Variants in PHTF2 observed in about 807,000 individuals in gnomAD.
PHTF2 encodes protein PHTF2.
PHTF2 carries 60 observed loss-of-function variants against 101.2 expected under a neutral mutation model. The observed-to-expected ratio is 0.59, with a 90% confidence interval of 0.48 to 0.73. PHTF2 has a LOEUF of 0.73. Ranked by LOEUF, PHTF2 falls within the 30% of genes least tolerant of loss-of-function variation. PHTF2 has a pLI of 0.00. For missense variants in PHTF2, 747 were observed against 908.7 expected (o/e 0.82, Z 2.29); for synonymous variants, 311 against 307.3 (o/e 1.01, Z -0.13).
At position 77,844,775 on chromosome 7, in the gene PHTF2, G is replaced by A. The variant is rs372024998; in HGVS notation, c.45+4475G>A. ...CTTGACCTCATGCGATTTGCCCACC[G>A]TAGCCTCCTAAAGTGCTGGGATTAC... On this transcript the variant is annotated intron_variant, in intron 2 of 19. Coordinates refer to ENST00000416283, the Ensembl canonical transcript of PHTF2. Among the ~76,000 whole-genome samples the A allele has an allele frequency of 8.4e-4, 128 of 152,120 alleles. 3 individuals carry two copies. The South Asian group carries it at 0.018, about 21-fold the overall frequency.
chr7:77,876,649 T>A (rs996208430), intron 3 of PHTF2, among the ~76,000 whole-genome samples: 7 of 152,090 alleles, frequency 4.6e-5, no homozygotes, highest in Non-Finnish European at 7.4e-5. Context: ...TCGCAGCACT[T>A]TGGGAGGGCA....
At chr7:77,814,578 C>T (rs576996955) in intron 1 of PHTF2, among the ~76,000 whole-genome samples, 3 of 149,986 alleles carry the variant, frequency 2.0e-5, no homozygotes, top group East Asian at 4.0e-4. Context: ...GTGGCGCAAT[C>T]TCAGCTCATT....
intron 9 of PHTF2, 34 bp from the exon 9 acceptor site, chr7:77,920,245 G>A: frequency 8.3e-7 from 1 of 1,204,220 alleles, no homozygotes; most frequent in Non-Finnish European, 1.2e-6. Context: ...AATAAGCTAA[G>A]TCCAAACATT....
intron 3 of PHTF2, among the ~76,000 whole-genome samples, chr7:77,880,789 C>G (rs1313098114): frequency 6.6e-6 from 1 of 152,120 alleles, no homozygotes; most frequent in Admixed American, 6.6e-5. Context: ...AGAAAGGAAA[C>G]TATAAAGATT....
chr7:77,809,442 G>A (rs545319638), intron 1 of PHTF2, among the ~76,000 whole-genome samples: 32 of 151,948 alleles, frequency 2.1e-4, no homozygotes, highest in African/African-American at 5.6e-4. Context: ...GACCAGGCTC[G>A]TCACGAATTC....
chr7:77,940,240 C>G, exon 14 of PHTF2: 1 of 1,613,630 alleles, frequency 6.2e-7, no homozygotes, highest in Non-Finnish European at 8.5e-7. Context: ...TTTTGTGGTT[C>G]GCGTGTCTCT....
intron 12 of PHTF2, among the ~76,000 whole-genome samples, chr7:77,937,080 G>GAAAA (rs71082797): frequency 6.9e-6 from 1 of 144,240 alleles, no homozygotes; most frequent in East Asian, 2.0e-4. Context: ...GCTTTATCTG[G>GAAAA]AAAAAAAAAA....
Position 77,924,773 on chromosome 7 carries a change from G to A in PHTF2, c.1119+1995G>A, listed in dbSNP as rs898725201. Among the ~76,000 whole-genome samples, 10 of 152,270 alleles carry A rather than the reference G, an allele frequency of 6.6e-5. No individual in the cohort carries two copies. In the East Asian group the frequency reaches 1.9e-3, roughly 29 times the overall value. On this transcript the variant is annotated intron_variant, in intron 11 of 19. Coordinates refer to ENST00000416283, the Ensembl canonical transcript of PHTF2. Reference sequence around the variant, plus strand: ...GGGAAGACTTATCCAGTCTTCTGGTGGGATGGGGGTAGTAGATAATAAAAC... The same window carrying A: ...GGGAAGACTTATCCAGTCTTCTGGTAGGATGGGGGTAGTAGATAATAAAAC...
chr7:77,881,985 T>A (rs1799463432), intron 3 of PHTF2, among the ~76,000 whole-genome samples: 1 of 152,180 alleles, frequency 6.6e-6, no homozygotes, highest in Non-Finnish European at 1.5e-5. Flanking sequence ...AAAAAATACC[T>A]TCAAGACTTT....
At chr7:77,879,699 C>G (rs1442526291) in intron 3 of PHTF2, among the ~76,000 whole-genome samples, 3 of 152,012 alleles carry the variant, frequency 2.0e-5, no homozygotes, top group African/African-American at 7.2e-5. Context: ...ATCTATCTGC[C>G]TTTTTATACT....
At chr7:77,891,581 T>TTGTTG (rs373881454) in intron 3 of PHTF2, among the ~76,000 whole-genome samples, 87,730 of 151,626 alleles carry the variant, frequency 0.58, 27,407 homozygotes, top group African/African-American at 0.83. Context: ...ATGGTTTTTT[T>TTGTTG]TTGTTGTTGT....
chr7:77,819,805 T>C (rs1244547803), intron 1 of PHTF2, among the ~76,000 whole-genome samples: 2 of 152,108 alleles, frequency 1.3e-5, no homozygotes, highest in Non-Finnish European at 1.5e-5. Flanking sequence ...TTGAGAAAAA[T>C]TGATATTAAT....
intron 3 of PHTF2, among the ~76,000 whole-genome samples, chr7:77,860,123 T>G (rs1378965051): frequency 6.6e-6 from 1 of 152,180 alleles, no homozygotes; most frequent in Admixed American, 6.5e-5. Context: ...TTGTGATAAA[T>G]TATTGATTGT....
chr7:77,815,460 A>T (rs1793784874), intron 1 of PHTF2, among the ~76,000 whole-genome samples: 1 of 152,248 alleles, frequency 6.6e-6, no homozygotes, highest in South Asian at 2.1e-4. Flanking sequence ...ATTGAAATTT[A>T]AAACTGGTTT....
intron 12 of PHTF2, among the ~76,000 whole-genome samples, 189 bp downstream of exon 11, chr7:77,929,516 A>G (rs998097502): frequency 2.0e-5 from 3 of 152,182 alleles, no homozygotes; most frequent in Non-Finnish European, 4.4e-5. Flanking sequence ...GTGGTTATGT[A>G]TGTTCCTGAA....
At chr7:77,903,249 C>T (rs973238819) in intron 7 of PHTF2, among the ~76,000 whole-genome samples, 3 of 152,000 alleles carry the variant, frequency 2.0e-5, no homozygotes, top group African/African-American at 7.2e-5. Flanking sequence ...TCAGTATTTT[C>T]TAGTTATAGT....
At chr7:77,935,123 C>CCG (rs1804972557) in intron 12 of PHTF2, among the ~76,000 whole-genome samples, 2 of 64,582 alleles carry the variant, frequency 3.1e-5, no homozygotes, top group African/African-American at 9.2e-5. Flanking sequence ...TGTACATTCC[C>CCG]CCCCCCCACA....
chr7:77,915,991 G>GTGTGTGTGT, intron 9 of PHTF2, among the ~76,000 whole-genome samples: 2 of 151,856 alleles, frequency 1.3e-5, no homozygotes, highest in South Asian at 4.2e-4. Flanking sequence ...GTGTGTGTGT[G>GTGTGTGTGT]TGTGTGTGTG....
rs377651394 is a variant in PHTF2, at chr7:77,911,053, CT to C, written c.776+646del. On this transcript the variant is annotated intron_variant, in intron 9 of 19. Coordinates refer to ENST00000416283, the Ensembl canonical transcript of PHTF2. The stretch of plus-strand genomic sequence containing the variant: ...TTGTATAATTTTTTTCTTCTAAGTT[CT>C]TGCCTCAATTATCCAAAATTATCTG... Among the ~76,000 whole-genome samples the C allele has an allele frequency of 5.1e-4, 78 of 152,084 alleles. 1 individual carries two copies. In the South Asian group the frequency reaches 1.0e-2, roughly 19 times the overall value.
Sources: allele counts gnomAD v4.1 joint callset (sites outside exome capture counted in the v4.1 genomes callset), GRCh38; gene constraint gnomAD v4.1.1; transcripts MANE v1.5; gene names NCBI Gene and HGNC (gene_info 2026-07-23, HGNC 2026-07-21).